MAPKAPK2: variants seen among roughly 807,000 people sequenced by gnomAD.
MAPKAPK2 encodes MAPK activated protein kinase 2, also known as MAP kinase-activated protein kinase 2.
Under a neutral mutation model 48.8 loss-of-function variants are expected in MAPKAPK2, and 9 were observed. That is an observed-to-expected ratio of 0.18 (90% CI 0.11 to 0.32). The LOEUF is 0.32. Among genes scored for constraint, MAPKAPK2 ranks in the 10% least tolerant of loss-of-function variants. The pLI is 1.00. For missense variants in MAPKAPK2, 331 were observed against 498.3 expected, an observed-to-expected ratio of 0.66 and a Z score of 3.20; for synonymous variants, 202 against 190.6, an observed-to-expected ratio of 1.06 and a Z score of -0.49.
At chr1:206,727,465 C>T (rs1212655281) in intron 1 of MAPKAPK2, among the ~76,000 whole-genome samples, 1 of 152,132 alleles carries the variant, frequency 6.6e-6, no homozygotes, top group Non-Finnish European at 1.5e-5. Context: ...AGCGAGGATC[C>T]AGGTGATTGC....
At chr1:206,693,544 C>T (rs903213048) in intron 1 of MAPKAPK2, among the ~76,000 whole-genome samples, 2 of 152,180 alleles carry the variant, frequency 1.3e-5, no homozygotes, top group Non-Finnish European at 2.9e-5. Flanking sequence ...TGACCAAGCT[C>T]ATCAGAGTGG....
At position 206,685,015 on chromosome 1, in the gene MAPKAPK2, A is replaced by C; in HGVS notation, c.-215A>C. On this transcript the variant is annotated 5_prime_UTR_variant, in exon 1 of 10. Coordinates refer to ENST00000367103, the MANE Select transcript of MAPKAPK2 (RefSeq NM_032960.4). Reference sequence around the variant, plus strand: ...GAGCGCCAGGCCCCCGGGGGGAGGGAGGGAGGGCGCCGGGCCGGTGGGAGC... The same window carrying C: ...GAGCGCCAGGCCCCCGGGGGGAGGGCGGGAGGGCGCCGGGCCGGTGGGAGC... 3 of 144,580 alleles carry C rather than the reference A, an allele frequency of 2.1e-5. No individual in the cohort carries two copies. The highest frequency in any genetic ancestry group is 3.0e-5 in the Non-Finnish European group (2 of 66,962). The allele number at this position is 144,580 out of a possible 1,614,324, so 9.0% of individuals were successfully genotyped here. A position where few individuals can be genotyped will look rare whatever the true frequency, so the allele number is the denominator to read the frequency against.
chr1:206,686,042 C>T (rs1672277168), intron 1 of MAPKAPK2, among the ~76,000 whole-genome samples: 1 of 152,170 alleles, frequency 6.6e-6, no homozygotes, highest in South Asian at 2.1e-4. Context: ...GCGAGGGCAG[C>T]CGGGCCGCCT....
At chr1:206,711,382 C>T (rs1279642229) in intron 1 of MAPKAPK2, among the ~76,000 whole-genome samples, 1 of 152,140 alleles carries the variant, frequency 6.6e-6, no homozygotes, top group African/African-American at 2.4e-5. Context: ...TCCCAAGTAG[C>T]TGGTACCACA....
chr1:206,733,329 G>C lies in MAPKAPK2; in HGVS notation c.*611G>C, dbSNP rs982344229. ...GTGCACACGTGTGTATGAGTGCGCA[G>C]ATCTGTGCCTGGGATCGTGCATTTG... On this transcript the variant is annotated 3_prime_UTR_variant, in exon 10 of 10. Coordinates refer to ENST00000367103, the MANE Select transcript of MAPKAPK2 (RefSeq NM_032960.4). The C allele has an allele frequency of 1.3e-5, 2 of 152,636 alleles. No homozygotes were observed. The highest frequency in any genetic ancestry group is 2.9e-5 in the Non-Finnish European group (2 of 68,390). The allele number at this position is 152,636 out of a possible 1,614,324, so 9.5% of individuals were successfully genotyped here.
At chr1:206,730,494 GTT>G (rs1673867320) in intron 5 of MAPKAPK2, among the ~76,000 whole-genome samples, 192 bp from the exon 6 acceptor site, 1 of 152,232 alleles carries the variant, frequency 6.6e-6, no homozygotes, top group Admixed American at 6.5e-5. Context: ...TAAGCTCCTA[GTT>G]CCAGGTTCCT....
At position 206,732,297 on chromosome 1, in the gene MAPKAPK2, C is replaced by T. The variant is rs1361488421; in HGVS notation, c.1060-278C>T. On this transcript the variant is annotated intron_variant, in intron 9 of 9. Coordinates refer to ENST00000367103, the MANE Select transcript of MAPKAPK2 (RefSeq NM_032960.4). This position sits in a 1 kb window ranked among gnomAD's most constrained non-coding sequence, Gnocchi z 4.4. ...GGCAGACCGGACCCAGGTTTCCTGA[C>T]TCCTGGCCCAAGTCTCTTCCTCCTA... The T allele has an allele frequency of 2.8e-6, 4 of 1,446,778 alleles. No homozygotes were observed. In the African/African-American group the frequency reaches 4.3e-5, roughly 16 times the overall value. 89.6% of individuals were successfully genotyped at this position (1,446,778 alleles called of 1,614,324 possible). A position where few individuals can be genotyped will look rare whatever the true frequency, so the allele number is the denominator to read the frequency against.
intron 1 of MAPKAPK2, chr1:206,696,136 G>C: frequency 6.4e-7 from 1 of 1,555,430 alleles, no homozygotes; most frequent in Admixed American, 1.7e-5. Flanking sequence ...AGAAAGATCA[G>C]TGACATGGAC....
At chr1:206,720,960 T>G (rs530812069) in intron 1 of MAPKAPK2, among the ~76,000 whole-genome samples, 2 of 152,342 alleles carry the variant, frequency 1.3e-5, no homozygotes, top group African/African-American at 4.8e-5. Context: ...CACTTTTACA[T>G]AAAACAACCT....
chr1:206,685,429 G>A lies in MAPKAPK2; in HGVS notation c.200G>A (p.Ser67Asn). The A allele has an allele frequency of 1.3e-6, 2 of 1,543,442 alleles. No homozygotes were observed. Among genetic ancestry groups the A allele is most frequent in the Non-Finnish European group, 1.8e-6 (2 of 1,139,630 alleles). The change falls in exon 1 of 10, where the codon AGC (serine) becomes AAC (asparagine). Residue 67 changes from serine (S) to asparagine (N), a missense_variant. This residue lies in a region of MAPKAPK2 where 93 missense variants were observed against 81.0 expected (regional missense o/e 1.15). Transcript: ENST00000367103. ...ATCATCGATGACTACAAGGTCACCA[G>A]CCAGGTCCTGGGGCTGGGCATCAAC... is the stretch of plus-strand genomic sequence containing the variant. Reference protein sequence around the residue: ...NAIIDDYKVTSQVLGLGINGK... With the variant: ...NAIIDDYKVTNQVLGLGINGK...
At chr1:206,714,244 G>A (rs1210268119) in intron 1 of MAPKAPK2, among the ~76,000 whole-genome samples, 2 of 152,166 alleles carry the variant, frequency 1.3e-5, no homozygotes, top group Non-Finnish European at 2.9e-5. Context: ...GGTCTGGGCA[G>A]GAGACTGTGT....
In MAPKAPK2 at chr1:206,731,589, G is replaced by A; in HGVS notation, c.893-51G>A. The A allele has an allele frequency of 4.8e-6, 7 of 1,464,878 alleles. No homozygotes were observed. The highest frequency in any genetic ancestry group is 2.3e-5 in the South Asian group (2 of 88,110). 90.7% of individuals were successfully genotyped at this position (1,464,878 alleles called of 1,614,324 possible). ...CCATGAAAACTGGGGAAAGGAGCAG[G>A]CCAGGGAGAGTGACCCCTGAGCTGT... is the stretch of plus-strand genomic sequence containing the variant. On this transcript the variant is annotated intron_variant, in intron 7 of 9. Coordinates refer to ENST00000367103, the MANE Select transcript of MAPKAPK2 (RefSeq NM_032960.4). This position sits in a 1 kb window ranked among gnomAD's most constrained non-coding sequence, Gnocchi z 5.9.
At position 206,733,847 on chromosome 1, in the gene MAPKAPK2, G is replaced by A. The variant is rs1280387728; in HGVS notation, c.*1129G>A. The A allele has an allele frequency of 6.5e-6, 1 of 152,842 alleles. No individual in the cohort carries two copies. The highest frequency in any genetic ancestry group is 1.5e-5 in the Non-Finnish European group (1 of 68,086). 9.5% of individuals were successfully genotyped at this position (152,842 alleles called of 1,614,324 possible). A position where few individuals can be genotyped will look rare whatever the true frequency, so the allele number is the denominator to read the frequency against. ...CAGCTACCCCTTGTGGGCAAAGGCA[G>A]GGCCACTTTTGAAGTCTTCCCTCAG... On this transcript the variant is annotated 3_prime_UTR_variant, in exon 10 of 10. Transcript: ENST00000367103.
At chr1:206,688,904 GA>G (rs1672368272) in intron 1 of MAPKAPK2, among the ~76,000 whole-genome samples, 1 of 152,144 alleles carries the variant, frequency 6.6e-6, no homozygotes, top group African/African-American at 2.4e-5. Flanking sequence ...TAAGTGCTGG[GA>G]TTACAGGTGT....
chr1:206,706,667 C>T, intron 1 of MAPKAPK2, among the ~76,000 whole-genome samples: 1 of 152,202 alleles, frequency 6.6e-6, no homozygotes, highest in East Asian at 1.9e-4. Flanking sequence ...CTCCCTCCTT[C>T]CCCTCAGCTG....
At chr1:206,688,729 C>T (rs1672362197) in intron 1 of MAPKAPK2, among the ~76,000 whole-genome samples, 2 of 152,106 alleles carry the variant, frequency 1.3e-5, no homozygotes, top group Non-Finnish European at 2.9e-5. Flanking sequence ...GCTCTGCTTC[C>T]CAGGTCCACG....
chr1:206,685,258 C>T lies in MAPKAPK2; in HGVS notation c.29C>T (p.Pro10Leu), dbSNP rs1206536591. 1 of 650,104 alleles carries T rather than the reference C, an allele frequency of 1.5e-6. No individual in the cohort carries two copies. The allele number at this position is 650,104 out of a possible 1,614,324, so 40.3% of individuals were successfully genotyped here. A position where few individuals can be genotyped will look rare whatever the true frequency, so the allele number is the denominator to read the frequency against. ...CTGTCCAACTCCCAGGGCCAGAGCC[C>T]GCCGGTGCCGTTCCCCGCCCCGGCC... MLSNSQGQS[P>L]PVPFPAPAPP... The change falls in exon 1 of 10, where the codon CCG becomes CTG. Residue 10 changes from proline (P) to leucine (L), a missense_variant. By Grantham distance (98) the Pro-to-Leu change is moderately conservative. Around this residue, in one of 4 missense-constraint regions of MAPKAPK2, gnomAD observed 93 missense variants for 81.0 expected, o/e 1.15. Transcript: ENST00000367103.
intron 1 of MAPKAPK2, among the ~76,000 whole-genome samples, chr1:206,713,414 A>G (rs1673221857): frequency 6.6e-6 from 1 of 152,222 alleles, no homozygotes; most frequent in Non-Finnish European, 1.5e-5. Context: ...TGATGTGGAT[A>G]GGAGCTAGGG....
rs537540553 is a variant in MAPKAPK2, at chr1:206,700,866, C to A, written c.279+15358C>A. Among the ~76,000 whole-genome samples the A allele has an allele frequency of 2.5e-3, 387 of 152,292 alleles. 1 individual carries two copies. The highest frequency in any genetic ancestry group is 4.2e-3 in the Non-Finnish European group (288 of 67,998). ...CATCCCTGAGAACGAGGGCTGCTTG[C>A]TCTGGGGAAGCTGGGAAATGGCACC... On this transcript the variant is annotated intron_variant, in intron 1 of 9. Transcript: ENST00000367103.
Sources: allele counts gnomAD v4.1 joint callset (sites outside exome capture counted in the v4.1 genomes callset), GRCh38; gene constraint gnomAD v4.1.1; regional missense constraint gnomAD v4.1.1; non-coding constraint Gnocchi (gnomAD v3.1); transcripts MANE v1.5; gene names NCBI Gene and HGNC (gene_info 2026-07-23, HGNC 2026-07-21).